The following IHO1 variants were observed in gnomAD, a reference collection of about 807,000 sequenced individuals.
The protein encoded by IHO1 is interactor of HORMAD1 1.
A neutral mutation model predicts 31.0 loss-of-function variants in IHO1; 13 were observed. The ratio of observed to expected loss-of-function variants is 0.42; its 90% CI spans 0.27 to 0.67. The LOEUF is 0.67. Among genes scored for constraint, IHO1 ranks in the 30% least tolerant of loss-of-function variants. The probability of loss-of-function intolerance (pLI) is 0.24; values close to 1 mark genes in which losing one functional copy is unlikely to be tolerated. For missense variants in IHO1, 599 were observed against 687.5 expected, an observed-to-expected ratio of 0.87 and a Z score of 1.44; for synonymous variants, 221 against 248.4, an observed-to-expected ratio of 0.89 and a Z score of 1.04.
chr3:49,241,917 G>A (rs2046637076), intron 4 of IHO1, among the ~76,000 whole-genome samples: 1 of 150,932 alleles, frequency 6.6e-6, no homozygotes, highest in African/African-American at 2.4e-5. Flanking sequence ...CACTGTGCCT[G>A]GCCATTATTA....
Position 49,244,692 on chromosome 3 carries a change from G to A in IHO1, c.491G>A (p.Ser164Asn). ...TCTGAGGACCATCTCAGTTCAAGAAGCCAATCTATTTTGGATTCTTTGGAG... is the reference window on the plus strand; with the variant it reads ...TCTGAGGACCATCTCAGTTCAAGAAACCAATCTATTTTGGATTCTTTGGAG... ...EKSEDHLSSR[S>N]QSILDSLETV... Residue 164 changes from serine (S) to asparagine (N), a missense_variant, in exon 6 of 8, where the codon AGC becomes AAC. Physicochemically the swap from Ser to Asn is conservative, Grantham distance 46 (BLOSUM62 1). Transcript: ENST00000452691. 6.2e-7 allele frequency: 1 copy of A among 1,614,222 alleles called. No individual in the cohort carries two copies. The highest frequency in any genetic ancestry group is 8.5e-7 in the Non-Finnish European group (1 of 1,180,034).
chr3:49,191,860 T>G, the IHO1 span: 4 of 1,336,458 alleles, frequency 3.0e-6, no homozygotes, highest in East Asian at 1.0e-4. Context: ...GGTCAATTTT[T>G]TGTTGCTTAG....
chr3:49,192,155 C>T, the IHO1 span, among the ~76,000 whole-genome samples: 1 of 152,106 alleles, frequency 6.6e-6, no homozygotes, highest in Non-Finnish European at 1.5e-5. Context: ...ATTTAGAAAG[C>T]ATTTCATGGA....
chr3:49,234,040 G>T (rs1340377363), intron 2 of IHO1, among the ~76,000 whole-genome samples: 5 of 151,642 alleles, frequency 3.3e-5, no homozygotes, highest in Non-Finnish European at 7.4e-5. Context: ...TCACTGGCTT[G>T]TTGTCAATAA....
chr3:49,255,090 A>G (rs1405811284), intron 6 of IHO1, among the ~76,000 whole-genome samples: 1 of 152,016 alleles, frequency 6.6e-6, no homozygotes, highest in Non-Finnish European at 1.5e-5. Flanking sequence ...AAAAGTTTCA[A>G]TGAAGGTTTC....
chr3:49,194,211 T>C (rs2045983119), upstream of IHO1, among the ~76,000 whole-genome samples: 1 of 144,016 alleles, frequency 6.9e-6, no homozygotes, highest in Admixed American at 7.1e-5. Flanking sequence ...GAGGTTGCAG[T>C]GAGTCGAGAT....
intron 2 of IHO1, among the ~76,000 whole-genome samples, chr3:49,228,748 G>A (rs1277559120): frequency 2.6e-5 from 4 of 152,168 alleles, no homozygotes; most frequent in South Asian, 2.1e-4. Context: ...TCTTTGTGGC[G>A]AGTGTCACAG....
intron 6 of IHO1, among the ~76,000 whole-genome samples, chr3:49,252,872 TC>T (rs1171136710): frequency 6.6e-6 from 1 of 151,580 alleles, no homozygotes; most frequent in Admixed American, 6.6e-5. Context: ...GTGGACCCTG[TC>T]TCTACTAAAA....
intron 4 of IHO1, among the ~76,000 whole-genome samples, chr3:49,243,043 T>A (rs904781868): frequency 6.6e-6 from 1 of 152,098 alleles, no homozygotes; most frequent in African/African-American, 2.4e-5. Flanking sequence ...TCTGATCCTT[T>A]CCCTCCTCCA....
chr3:49,230,357 A>T (rs1251141607), intron 2 of IHO1, among the ~76,000 whole-genome samples: 2 of 152,188 alleles, frequency 1.3e-5, no homozygotes, highest in African/African-American at 4.8e-5. Context: ...ACTGGCCTTT[A>T]ATAGTCATAG....
Position 49,248,961 on chromosome 3 carries a change from A to G in IHO1, c.532+4228A>G, listed in dbSNP as rs118031176. Among the ~76,000 whole-genome samples the G allele has an allele frequency of 3.7e-3, 565 of 152,324 alleles. 6 individuals are homozygous for G. The highest frequency in any genetic ancestry group is 0.014 in the East Asian group (71 of 5,184). ...AGAGCATTGAACTCCACCTCAGTGC[A>G]TTCTGCAAGCTTTCAGTCTCTACTC... On this transcript the variant is annotated intron_variant, in intron 6 of 7. Coordinates refer to ENST00000452691, the MANE Select transcript of IHO1 (RefSeq NM_001135197.2).
chr3:49,206,995 C>T (rs2046146588), intron 1 of IHO1, among the ~76,000 whole-genome samples: 1 of 147,950 alleles, frequency 6.8e-6, no homozygotes, highest in South Asian at 2.1e-4. Context: ...TTGCAGTGAG[C>T]CGAGATCGTG....
chr3:49,196,031 C>G (rs1036510985), upstream of IHO1, among the ~76,000 whole-genome samples: 7 of 150,270 alleles, frequency 4.7e-5, no homozygotes, highest in African/African-American at 1.7e-4. Flanking sequence ...GTCAGCAGAT[C>G]GAGAATATCC....
Position 49,256,923 on chromosome 3 carries a change from CAG to C in IHO1, c.1429_1430del (p.Pro478SerfsTer46). On this transcript the variant is annotated frameshift_variant, in exon 8 of 8. Transcript: ENST00000452691. LOFTEE classifies it low-confidence loss of function (END_TRUNC). The surrounding 1 kb of genome is among the most constrained non-coding windows in gnomAD (Gnocchi z 4.6). The part of the protein sequence containing the change: ...IQTCKFNSKY[Q>X]SPQPAISVPQ... Reference sequence around the variant, plus strand: ...GACCTGTAAATTCAATTCCAAATATCAGAGTCCTCAGCCTGCAATTTCTGTCC... The same window carrying C: ...GACCTGTAAATTCAATTCCAAATATCAGTCCTCAGCCTGCAATTTCTGTCC... The C allele has an allele frequency of 6.2e-7, 1 of 1,614,244 alleles. No homozygotes were observed. The highest frequency in any genetic ancestry group is 1.7e-5 in the Admixed American group (1 of 60,028).
At chr3:49,216,134 T>C (rs2046283816) in intron 2 of IHO1, among the ~76,000 whole-genome samples, 1 of 152,234 alleles carries the variant, frequency 6.6e-6, no homozygotes, top group African/African-American at 2.4e-5. Context: ...GAATGATTTG[T>C]GTATGTGTTT....
upstream of IHO1, chr3:49,198,773 G>T (rs978182097): frequency 6.6e-6 from 1 of 152,352 alleles, no homozygotes; most frequent in African/African-American, 2.4e-5. Context: ...AAGCACCAGA[G>T]GCAGAGTTAC....
chr3:49,257,469 G>A lies in IHO1; in HGVS notation c.*187G>A. 1.6e-6 allele frequency: 1 copy of A among 606,434 alleles called. No homozygotes were observed. Among genetic ancestry groups the A allele is most frequent in the Non-Finnish European group, 2.9e-6 (1 of 342,172 alleles). The allele number at this position is 606,434 out of a possible 1,614,324, so 37.6% of individuals were successfully genotyped here. ...GGGTACCAGGTGCTGCCCCTGACAA[G>A]GATTAAGTGCATCCTTATTTATTGG... On this transcript the variant is annotated 3_prime_UTR_variant, in exon 8 of 8. Coordinates refer to ENST00000452691, the MANE Select transcript of IHO1 (RefSeq NM_001135197.2).
intron 2 of IHO1, among the ~76,000 whole-genome samples, chr3:49,234,162 G>GTTTTTTTTT (rs56802492): frequency 2.5e-4 from 23 of 91,926 alleles, no homozygotes; most frequent in South Asian, 4.3e-4. Context: ...TTTTGTTGTT[G>GTTTTTTTTT]TTTTTTTTTT....
intron 1 of IHO1, among the ~76,000 whole-genome samples, chr3:49,209,190 G>C (rs1308781600): frequency 6.6e-6 from 1 of 152,154 alleles, no homozygotes; most frequent in Non-Finnish European, 1.5e-5. Context: ...TGGAGTTGCT[G>C]GTTTCATTCT....
Sources: gnomAD v4.1 joint callset for allele counts (sites outside exome capture counted in the v4.1 genomes callset) on GRCh38, gnomAD v4.1.1 for gene constraint, Gnocchi (gnomAD v3.1) non-coding constraint, MANE v1.5 for transcripts, NCBI Gene and HGNC (gene_info 2026-07-23, HGNC 2026-07-21) for gene names.